Variants in KCNJ14 observed in about 807,000 individuals in gnomAD.
KCNJ14 encodes the protein ATP-sensitive inward rectifier potassium channel 14.
Under a neutral mutation model 24.5 loss-of-function variants are expected in KCNJ14, and 18 were observed. The observed-to-expected ratio is 0.74, with a 90% CI of 0.51 to 1.09. KCNJ14 has a LOEUF of 1.09. Among genes scored for constraint, KCNJ14 ranks in the 50% least tolerant of loss-of-function variants. The probability of loss-of-function intolerance (pLI) is 0.00; values close to 1 mark genes in which losing one functional copy is unlikely to be tolerated. For missense variants in KCNJ14, 633 were observed against 623.0 expected, an observed-to-expected ratio of 1.02 and a Z score of -0.17; for synonymous variants, 288 against 270.8, an observed-to-expected ratio of 1.06 and a Z score of -0.63.
chr19:48,459,270 G>A (rs1454236721), intron 1 of KCNJ14, among the ~76,000 whole-genome samples: 2 of 151,844 alleles, frequency 1.3e-5, no homozygotes, highest in African/African-American at 4.8e-5. Context: ...AAGTTTGGGG[G>A]GTGTTACTTA....
chr19:48,461,879 T>A lies in KCNJ14; in HGVS notation c.155T>A (p.Phe52Tyr). The change falls in exon 2 of 3, where the codon TTC becomes TAC. Residue 52 changes from phenylalanine (F) to tyrosine (Y), a missense_variant. Transcript: ENST00000342291. The part of the protein sequence containing the change: ...QSPVGRRRGR[F>Y]VKKDGHCNVR... ...CCCGTGGGCCGGCGCCGCGGTCGCT[T>A]CGTCAAGAAAGACGGGCACTGCAAC... 1 of 1,590,550 alleles carries A rather than the reference T, an allele frequency of 6.3e-7. No individual in the cohort carries two copies. Among genetic ancestry groups the A allele is most frequent in the Non-Finnish European group, 8.6e-7 (1 of 1,167,662 alleles).
rs781352540 is a variant in KCNJ14 at position 48,464,736 on chromosome 19, C to G, written c.1270C>G (p.Arg424Gly). ...VETEDGAASP[R>G]VLTPTLALTL... Reference sequence around the variant, plus strand: ...AACAGAAGATGGGGCTGCTAGCCCCCGAGTTCTCACACCAACCCTGGCGCT... The same window carrying G: ...AACAGAAGATGGGGCTGCTAGCCCCGGAGTTCTCACACCAACCCTGGCGCT... Residue 424 changes from arginine to glycine, a missense_variant, in exon 3 of 3, where the codon CGA (arginine) becomes GGA (glycine). Coordinates refer to ENST00000342291, the MANE Select transcript of KCNJ14 (RefSeq NM_013348.4). The G allele has an allele frequency of 1.2e-6, 2 of 1,609,068 alleles. No individual in the cohort carries two copies. The highest frequency in any genetic ancestry group is 1.7e-6 in the Non-Finnish European group (2 of 1,179,872).
rs1163797355 is a variant in KCNJ14 at position 48,455,622 on chromosome 19, C to T, written c.-292C>T. The stretch of plus-strand genomic sequence containing the variant: ...GGGCCATGTTGGCCGCAGATGGCCC[C>T]CTGGTGAAGGTTCCCGTTGGCTTTG... On this transcript the variant is annotated 5_prime_UTR_variant, in exon 1 of 3. Transcript: ENST00000342291. 1 of 152,182 alleles carries T rather than the reference C, an allele frequency of 6.6e-6. No homozygotes were observed. Among genetic ancestry groups the T allele is most frequent in the Non-Finnish European group, 1.5e-5 (1 of 68,054 alleles). The allele number at this position is 152,182 out of a possible 1,614,324, so 9.4% of individuals were successfully genotyped here.
intron 1 of KCNJ14, among the ~76,000 whole-genome samples, chr19:48,459,007 G>A (rs996321971): frequency 1.4e-5 from 2 of 147,348 alleles, no homozygotes; most frequent in African/African-American, 5.0e-5. Flanking sequence ...TTGGGAGGCC[G>A]AGACAGGCGG....
At chr19:48,459,689 C>T (rs1046576002) in intron 1 of KCNJ14, among the ~76,000 whole-genome samples, 7 of 152,186 alleles carry the variant, frequency 4.6e-5, no homozygotes, top group African/African-American at 1.7e-4. Flanking sequence ...ACCACCTCGC[C>T]TGGCCTCTCT....
chr19:48,461,341 AAAAAG>A (rs1332780164), intron 1 of KCNJ14: 30 of 137,468 alleles, frequency 2.2e-4, no homozygotes, highest in East Asian at 9.0e-4. Flanking sequence ...TCTCAAAAAA[AAAAAG>A]AAAAGAAAAG....
chr19:48,456,594 T>C (rs1286198504), intron 1 of KCNJ14: 1 of 152,186 alleles, frequency 6.6e-6, no homozygotes, highest in Non-Finnish European at 1.5e-5. Flanking sequence ...TCTTTCCAAA[T>C]GGAGTGTGCC....
At chr19:48,460,518 C>T in intron 1 of KCNJ14, among the ~76,000 whole-genome samples, 1 of 152,194 alleles carries the variant, frequency 6.6e-6, no homozygotes, top group East Asian at 1.9e-4. Context: ...GCTGGGATTA[C>T]AGGCATGAAC....
At chr19:48,463,195 C>G (rs1306594591) in intron 2 of KCNJ14, among the ~76,000 whole-genome samples, 2 of 152,110 alleles carry the variant, frequency 1.3e-5, no homozygotes, top group African/African-American at 4.8e-5. Context: ...TCTCCGTTCC[C>G]AAGAAACTCT....
Position 48,464,237 on chromosome 19 carries a change from G to A in KCNJ14, c.771G>A (p.Val257=). The part of the protein sequence containing the change: ...YIPLDHQDVD[V]GFDGGTDRIF... ...CGCTGGACCACCAGGATGTGGATGT[G>A]GGCTTTGATGGAGGCACCGATCGTA... Residue 257 remains valine, a synonymous_variant, in exon 3 of 3, where the codon GTG becomes GTA. Coordinates refer to ENST00000342291, the MANE Select transcript of KCNJ14 (RefSeq NM_013348.4). 1.2e-6 allele frequency: 2 copies of A among 1,614,132 alleles called. No individual in the cohort carries two copies. The highest frequency in any genetic ancestry group is 1.7e-6 in the Non-Finnish European group (2 of 1,180,040).
At position 48,462,210 on chromosome 19, in the gene KCNJ14, T is replaced by TGTGGCCGCC; in HGVS notation, c.491_499dup (p.Ala164_Val166dup). On this transcript the variant is annotated inframe_insertion, in exon 2 of 3. Coordinates refer to ENST00000342291, the MANE Select transcript of KCNJ14 (RefSeq NM_013348.4). This position sits in a 1 kb window ranked among gnomAD's most constrained non-coding sequence, Gnocchi z 4.9. ...GCGTCACCGAGGAGTGCCCGGCCGC[T>TGTGGCCGCC]GTGGCCGCCGTGGTGCTGCAGTGCA... 2 of 1,553,794 alleles carry TGTGGCCGCC rather than the reference T, an allele frequency of 1.3e-6. No homozygotes were observed. Among genetic ancestry groups the TGTGGCCGCC allele is most frequent in the Non-Finnish European group, 1.7e-6 (2 of 1,149,038 alleles).
chr19:48,458,830 G>A (rs949079818), intron 1 of KCNJ14, among the ~76,000 whole-genome samples: 2 of 151,804 alleles, frequency 1.3e-5, no homozygotes, highest in African/African-American at 2.4e-5. Flanking sequence ...CAGATACTCA[G>A]GAGGCTGAGG....
chr19:48,463,866 T>C (rs1267549432), intron 2 of KCNJ14, among the ~76,000 whole-genome samples: 1 of 151,988 alleles, frequency 6.6e-6, no homozygotes, highest in East Asian at 1.9e-4. Flanking sequence ...CTCTTCCCGT[T>C]TTCTACCCCC....
At position 48,464,183 on chromosome 19, in the gene KCNJ14, C is replaced by T; in HGVS notation, c.717C>T (p.Pro239=). ...TGGCTCCTCGCCTCCTGCTGCAGCC[C>T]CGTGTGACCCCAGAGGGTGAGTACA... ...EAHVRAQLLQ[P]RVTPEGEYIP... The change falls in exon 3 of 3, where the codon CCC becomes CCT. Residue 239 remains proline (P), a splice_region_variant and synonymous_variant. Transcript: ENST00000342291. 2 of 1,612,680 alleles carry T rather than the reference C, an allele frequency of 1.2e-6. No homozygotes were observed. Among genetic ancestry groups the T allele is most frequent in the Non-Finnish European group, 1.7e-6 (2 of 1,178,814 alleles).
intron 1 of KCNJ14, chr19:48,461,381 C>T: frequency 4.5e-6 from 1 of 222,972 alleles, no homozygotes; most frequent in Non-Finnish European, 8.6e-6. Flanking sequence ...AAAAATTACC[C>T]AGGAGTGGTG....
intron 1 of KCNJ14, chr19:48,461,302 C>CTCCA (rs1308837968): frequency 6.6e-6 from 1 of 151,804 alleles, no homozygotes; most frequent in African/African-American, 2.4e-5. Flanking sequence ...TGCCGCTGCA[C>CTCCA]TCCAGCCTGG....
intron 1 of KCNJ14, chr19:48,456,455 AG>A (rs2147490053): frequency 6.6e-6 from 1 of 152,360 alleles, no homozygotes; most frequent in African/African-American, 2.4e-5. Context: ...CCCTCACCTC[AG>A]CCTTGCCTCT....
rs73050909 is a variant in KCNJ14 at position 48,465,818 on chromosome 19, G to A, written c.*1041G>A. The A allele has an allele frequency of 0.059, 8,972 of 152,674 alleles. 362 individuals are homozygous for A. Among genetic ancestry groups the A allele is most frequent in the Non-Finnish European group, 0.086 (5,870 of 68,006 alleles). 9.5% of individuals were successfully genotyped at this position (152,674 alleles called of 1,614,324 possible). On this transcript the variant is annotated 3_prime_UTR_variant, in exon 3 of 3. Coordinates refer to ENST00000342291, the MANE Select transcript of KCNJ14 (RefSeq NM_013348.4). ...TTCTGTAATGCCAAAAGGAATGAAGGCTCCAGGGATACAGAGTTGTCCATT... is the reference window on the plus strand; with the variant it reads ...TTCTGTAATGCCAAAAGGAATGAAGACTCCAGGGATACAGAGTTGTCCATT...
chr19:48,459,234 C>T (rs1177866564), intron 1 of KCNJ14, among the ~76,000 whole-genome samples: 2 of 141,258 alleles, frequency 1.4e-5, no homozygotes, highest in East Asian at 4.1e-4. Context: ...AGCAAGACTC[C>T]GTCTCCAAAA....
Sources: allele counts gnomAD v4.1 joint callset (sites outside exome capture counted in the v4.1 genomes callset), GRCh38; gene constraint gnomAD v4.1.1; non-coding constraint Gnocchi (gnomAD v3.1); transcripts MANE v1.5; gene names NCBI Gene and HGNC (gene_info 2026-07-23, HGNC 2026-07-21).